The following TAT variants were observed in gnomAD, a reference collection of about 807,000 sequenced individuals.
TAT encodes tyrosine aminotransferase, also known as L-tyrosine:2-oxoglutarate aminotransferase.
A neutral mutation model predicts 53.6 loss-of-function variants in TAT; 35 were observed. The observed-to-expected ratio is 0.65, with a 90% CI of 0.50 to 0.87. TAT has a LOEUF of 0.87. TAT is among the 40% of genes least tolerant of loss of function. The pLI is 0.00. For synonymous variants in TAT, 197 were observed against 206.5 expected, an observed-to-expected ratio of 0.95 and a Z score of 0.39; for missense variants, 525 against 571.8, an observed-to-expected ratio of 0.92 and a Z score of 0.83.
intron 4 of TAT, among the ~76,000 whole-genome samples, chr16:71,572,906 C>G (rs936312073): frequency 1.3e-5 from 2 of 152,216 alleles, no homozygotes; most frequent in African/African-American, 2.4e-5. Flanking sequence ...GATAGGTTGG[C>G]TGTGACTCAG....
In TAT at chr16:71,571,661, G is replaced by A. The variant is rs886052273; in HGVS notation, c.707-3C>T. On this transcript the variant is annotated splice_region_variant and splice_polypyrimidine_tract_variant and intron_variant, in intron 6 of 11. Coordinates refer to ENST00000355962, the MANE Select transcript of TAT (RefSeq NM_000353.3). ...GGGGACACACTGCCGTGCAGCCACT[G>A]AAAATAAAACATGCTGAAATCAGTT... 23 of 1,613,914 alleles carry A rather than the reference G, an allele frequency of 1.4e-5. No individual in the cohort carries two copies. Among genetic ancestry groups the A allele is most frequent in the Non-Finnish European group, 1.9e-5 (23 of 1,179,938 alleles).
intron 4 of TAT, among the ~76,000 whole-genome samples, chr16:71,573,127 TTCTA>T (rs2044214253): frequency 1.3e-5 from 2 of 152,222 alleles, no homozygotes; most frequent in Non-Finnish European, 2.9e-5. Context: ...GTCCTGGTAC[TTCTA>T]TCTTTCTCTC....
chr16:71,576,447 C>A lies in TAT; in HGVS notation c.-12-20G>T. 1 of 1,603,464 alleles carries A rather than the reference C, an allele frequency of 6.2e-7. No homozygotes were observed. The highest frequency in any genetic ancestry group is 1.1e-5 in the South Asian group (1 of 90,788). ...CGAAGCCTGCGAGGGGAAAGAAGTTCCCTGTGATGTTGATAACATAGCGCT... is the reference window on the plus strand; with the variant it reads ...CGAAGCCTGCGAGGGGAAAGAAGTTACCTGTGATGTTGATAACATAGCGCT... On this transcript the variant is annotated intron_variant, in intron 1 of 11. Transcript: ENST00000355962.
chr16:71,571,297 C>T (rs1319267501), intron 7 of TAT, among the ~76,000 whole-genome samples: 4 of 152,160 alleles, frequency 2.6e-5, no homozygotes, highest in South Asian at 2.1e-4. Context: ...AGAATATTAA[C>T]ATTTCTGCCA....
In TAT at chr16:71,576,310, C is replaced by G; in HGVS notation, c.106G>C (p.Gly36Arg). The G allele has an allele frequency of 6.2e-7, 1 of 1,614,226 alleles. No homozygotes were observed. ...GRSSVPGKMKGRKARWSVRPS... is the reference protein window; with the variant it reads ...GRSSVPGKMKRRKARWSVRPS... ...CTCACAGACCACCTGGCCTTTCTGC[C>G]TTTCATTTTTCCCGGCACAGAGCTT... Residue 36 changes from glycine (G) to arginine (R), a missense_variant, in exon 2 of 12, where the codon GGC becomes CGC. Physicochemically the swap from Gly to Arg is moderately radical, Grantham distance 125 (BLOSUM62 -2). Transcript: ENST00000355962.
intron 7 of TAT, 93 bp downstream of exon 7, chr16:71,571,513 A>C (rs1244234158): frequency 8.5e-7 from 1 of 1,175,570 alleles, no homozygotes; most frequent in African/African-American, 1.5e-5. Flanking sequence ...GCTGTAATGA[A>C]ACGATTAGGA....
chr16:71,569,672 C>T (rs2044187094), intron 10 of TAT, among the ~76,000 whole-genome samples, 182 bp downstream of exon 10: 1 of 152,208 alleles, frequency 6.6e-6, no homozygotes, highest in African/African-American at 2.4e-5. Context: ...TTTATGAGAA[C>T]TGATAGAGGC....
At chr16:71,576,660 T>A (rs2145236389) in intron 1 of TAT, among the ~76,000 whole-genome samples, 1 of 152,326 alleles carries the variant, frequency 6.6e-6, no homozygotes, top group South Asian at 2.1e-4. Flanking sequence ...AAGTAGGATT[T>A]GCTACACGCA....
In TAT at chr16:71,576,363, A is replaced by C. The variant is rs1222105610; in HGVS notation, c.53T>G (p.Leu18Arg). 3 of 1,614,052 alleles carry C rather than the reference A, an allele frequency of 1.9e-6. No homozygotes were observed. The African/African-American group carries it at 4.0e-5, about 22-fold the overall frequency. Residue 18 changes from leucine to arginine, a missense_variant, in exon 2 of 12, where the codon CTG (leucine) becomes CGG (arginine). By Grantham distance (102) the Leu-to-Arg change is moderately radical. Transcript: ENST00000355962. ...CCCACCAACGTTGACATGCACGTCC[A>C]GAATTGAGGGGAGGTTGCCTTTGCT... ...MSSKGNLPSI[L>R]DVHVNVGGRS...
chr16:71,570,198 T>C, intron 9 of TAT, 71 bp downstream of exon 9: 1 of 1,610,634 alleles, frequency 6.2e-7, no homozygotes, highest in Non-Finnish European at 8.5e-7. Flanking sequence ...GAGAACCAAT[T>C]ATTCCTAATT....
chr16:71,572,423 C>G (rs560459702), intron 5 of TAT, 99 bp from the exon 6 acceptor site: 1 of 1,606,148 alleles, frequency 6.2e-7, no homozygotes, highest in East Asian at 2.2e-5. Flanking sequence ...AAGTCTGTCT[C>G]TGGCTTCAAC....
chr16:71,568,637 TA>T, intron 11 of TAT, 73 bp downstream of exon 11: 1 of 1,194,186 alleles, frequency 8.4e-7, no homozygotes, highest in Non-Finnish European at 1.2e-6. Flanking sequence ...AAGATCAGGC[TA>T]AAAACCAGCT....
rs1203715967 is a variant in TAT, at chr16:71,571,459, G to A, written c.759+147C>T. On this transcript the variant is annotated intron_variant, in intron 7 of 11. Coordinates refer to ENST00000355962, the MANE Select transcript of TAT (RefSeq NM_000353.3). ...TGGGTTTCAGAAAACTGGCTAAGGA[G>A]TTGTGGGTCTATATATTTGTAAAAA... 11 of 723,758 alleles carry A rather than the reference G, an allele frequency of 1.5e-5. No individual in the cohort carries two copies. The South Asian group carries it at 1.9e-4, about 12-fold the overall frequency. The allele number at this position is 723,758 out of a possible 1,614,324, so 44.8% of individuals were successfully genotyped here.
chr16:71,575,545 CTA>C (rs2044229241), intron 3 of TAT: 1 of 324,508 alleles, frequency 3.1e-6, no homozygotes, highest in African/African-American at 2.1e-5. Flanking sequence ...AGCAAAGGAG[CTA>C]TATACACAGA....
Position 71,570,759 on chromosome 16 carries a change from G to C in TAT, c.832C>G (p.Leu278Val). 6.2e-7 allele frequency: 1 copy of C among 1,614,188 alleles called. No individual in the cohort carries two copies. The highest frequency in any genetic ancestry group is 8.5e-7 in the Non-Finnish European group (1 of 1,180,048). ...TDVPILSCGG[L>V]AKRWLVPGWR... ...CCAGGAACCAGCCAGCGCTTGGCCA[G>C]CCCTCCACAGGACAGGATGGGGACA... Residue 278 changes from leucine (L) to valine (V), a missense_variant, in exon 8 of 12, where the codon CTG (leucine) becomes GTG (valine). Transcript: ENST00000355962.
At chr16:71,570,181 C>T in intron 9 of TAT, 88 bp downstream of exon 9, 1 of 1,599,024 alleles carries the variant, frequency 6.3e-7, no homozygotes, top group East Asian at 2.2e-5. Flanking sequence ...AACATGGCTC[C>T]AGAAAGGAGA....
intron 3 of TAT, 163 bp downstream of exon 3, chr16:71,575,759 C>T: frequency 2.6e-6 from 2 of 756,722 alleles, no homozygotes; most frequent in Admixed American, 4.2e-5. Context: ...TGTATTTAAG[C>T]ATCCCGAGAC....
Position 71,566,508 on chromosome 16 carries a change from A to G in TAT, c.*1636T>C, listed in dbSNP as rs1325461462. ...AAAAAAAACATCTAGGACACTTCTC[A>G]TTCACTGGGTCAAGCCAGAGCCATC... is the stretch of plus-strand genomic sequence containing the variant. On this transcript the variant is annotated 3_prime_UTR_variant, in exon 12 of 12. Coordinates refer to ENST00000355962, the MANE Select transcript of TAT (RefSeq NM_000353.3). 1.3e-5 allele frequency: 2 copies of G among 149,604 alleles called. No homozygotes were observed. The highest frequency in any genetic ancestry group is 1.3e-4 in the Admixed American group (2 of 14,930). The allele number at this position is 149,604 out of a possible 1,614,324, so 9.3% of individuals were successfully genotyped here. A position where few individuals can be genotyped will look rare whatever the true frequency, so the allele number is the denominator to read the frequency against.
intron 3 of TAT, 60 bp from the exon 4 acceptor site, chr16:71,573,666 G>A: frequency 6.9e-7 from 1 of 1,450,920 alleles, no homozygotes; most frequent in Non-Finnish European, 9.5e-7. Flanking sequence ...GTCTCACTCT[G>A]TCACCCGGAC....
Sources: allele counts gnomAD v4.1 joint callset (sites outside exome capture counted in the v4.1 genomes callset), GRCh38; gene constraint gnomAD v4.1.1; transcripts MANE v1.5; gene names NCBI Gene and HGNC (gene_info 2026-07-23, HGNC 2026-07-21).